Variants in RSRC1 observed in about 807,000 individuals in gnomAD.
RSRC1 encodes the protein serine/Arginine-related protein 53.
A neutral mutation model predicts 49.1 loss-of-function variants in RSRC1; 39 were observed. The observed-to-expected ratio is 0.79, with a 90% CI of 0.61 to 1.04. RSRC1 has a LOEUF of 1.04. RSRC1 is among the 50% of genes least tolerant of loss of function. RSRC1 has a pLI of 0.00. For missense variants in RSRC1, 388 were observed against 402.4 expected, an observed-to-expected ratio of 0.96 and a Z score of 0.31; for synonymous variants, 143 against 130.8, an observed-to-expected ratio of 1.09 and a Z score of -0.63.
At chr3:158,286,976 G>A (rs886805907) in intron 4 of RSRC1, among the ~76,000 whole-genome samples, 1 of 152,092 alleles carries the variant, frequency 6.6e-6, no homozygotes, top group Non-Finnish European at 1.5e-5. Flanking sequence ...ACAGCTGCGT[G>A]CCACCACACC....
At chr3:158,352,505 C>CA (rs771530327) in intron 5 of RSRC1, among the ~76,000 whole-genome samples, 27 of 150,856 alleles carry the variant, frequency 1.8e-4, no homozygotes, top group South Asian at 1.7e-3. Context: ...TTATGAAATA[C>CA]AAAAAAAAAT....
chr3:158,199,683 C>T (rs1440577768), intron 3 of RSRC1, among the ~76,000 whole-genome samples: 1 of 152,138 alleles, frequency 6.6e-6, no homozygotes, highest in Non-Finnish European at 1.5e-5. Flanking sequence ...GCTTTATCTG[C>T]ATCCCACAAA....
chr3:158,463,293 A>AT lies in RSRC1; in HGVS notation c.652+2298dup, dbSNP rs915937686. ...ATTCTTTGTTGTTGTTTGCTTCCAAATTTTTTTTCTCTTGAGTTGTCTAGA... is the reference window on the plus strand; with the variant it reads ...ATTCTTTGTTGTTGTTTGCTTCCAAATTTTTTTTTCTCTTGAGTTGTCTAGA... On this transcript the variant is annotated intron_variant, in intron 7 of 9. Coordinates refer to ENST00000611884, the MANE Select transcript of RSRC1 (RefSeq NM_001271838.2). Among the ~76,000 whole-genome samples the AT allele has an allele frequency of 8.6e-5, 13 of 151,948 alleles. No homozygotes were observed. The East Asian group carries it at 2.5e-3, about 29-fold the overall frequency.
At position 158,545,205 on chromosome 3, in the gene RSRC1, T is replaced by TTC. The variant is rs1241180265; in HGVS notation, c.*931_*932insCT. Reference sequence around the variant, plus strand: ...CCGTTTCTATTTTCTTTTTTTTTTTTTTTTTTTTTTTTTTGAGACGGAGTC... The same window carrying TTC: ...CCGTTTCTATTTTCTTTTTTTTTTTTTCTTTTTTTTTTTTTTGAGACGGAGTC... On this transcript the variant is annotated 3_prime_UTR_variant, in exon 10 of 10. Transcript: ENST00000611884. The TTC allele has an allele frequency of 8.2e-6, 1 of 122,462 alleles. No homozygotes were observed. The highest frequency in any genetic ancestry group is 1.8e-5 in the Non-Finnish European group (1 of 55,680). The allele number at this position is 122,462 out of a possible 1,614,324, so 7.6% of individuals were successfully genotyped here.
intron 5 of RSRC1, among the ~76,000 whole-genome samples, chr3:158,309,231 C>A (rs145615254): frequency 6.6e-6 from 1 of 151,720 alleles, no homozygotes; most frequent in Non-Finnish European, 1.5e-5. Flanking sequence ...ATGCTGTTAG[C>A]GCTCTCTGAA....
chr3:158,424,748 A>AATT (rs1735304349), intron 6 of RSRC1, among the ~76,000 whole-genome samples: 1 of 152,228 alleles, frequency 6.6e-6, no homozygotes, highest in East Asian at 1.9e-4. Flanking sequence ...TTATTGCCAC[A>AATT]ATTTCAGCTC....
intron 3 of RSRC1, among the ~76,000 whole-genome samples, chr3:158,152,241 TAGTG>T (rs1274136524): frequency 1.3e-5 from 2 of 152,136 alleles, no homozygotes; most frequent in Non-Finnish European, 2.9e-5. Flanking sequence ...TAATATTAAA[TAGTG>T]AGCTCCTTGA....
chr3:158,401,732 A>G (rs1239475944), intron 6 of RSRC1, among the ~76,000 whole-genome samples: 1 of 152,066 alleles, frequency 6.6e-6, no homozygotes, highest in East Asian at 1.9e-4. Flanking sequence ...AAAATTGTAT[A>G]TAATAAATAG....
intron 3 of RSRC1, among the ~76,000 whole-genome samples, chr3:158,133,346 ATTAT>A (rs1366085700): frequency 1.1e-4 from 16 of 152,086 alleles, no homozygotes; most frequent in Non-Finnish European, 1.2e-4. Flanking sequence ...TTAGAGAGCA[ATTAT>A]TTATTTTATT....
intron 4 of RSRC1, among the ~76,000 whole-genome samples, chr3:158,231,708 C>G (rs965844090): frequency 1.2e-4 from 18 of 151,986 alleles, no homozygotes; most frequent in African/African-American, 4.1e-4. Flanking sequence ...TATATTATTT[C>G]TTTTGAGTCA....
chr3:158,260,126 C>T (rs1724805806), intron 4 of RSRC1, among the ~76,000 whole-genome samples: 1 of 110,764 alleles, frequency 9.0e-6, no homozygotes, highest in Admixed American at 9.4e-5. Flanking sequence ...TACTCCTTTT[C>T]TTCTCCTTTT....
At chr3:158,165,065 C>T (rs976310781) in intron 3 of RSRC1, among the ~76,000 whole-genome samples, 3 of 152,112 alleles carry the variant, frequency 2.0e-5, no homozygotes, top group Admixed American at 2.0e-4. Context: ...ACCAAAATGG[C>T]CTCACCTTAT....
chr3:158,287,674 A>G (rs73029897), intron 4 of RSRC1, among the ~76,000 whole-genome samples: 2,574 of 152,314 alleles, frequency 0.017, 67 homozygotes, highest in African/African-American at 0.059. Context: ...TTTACAATAT[A>G]TAGTAGTGAA....
intron 3 of RSRC1, among the ~76,000 whole-genome samples, chr3:158,168,305 A>G (rs1406615365): frequency 1.3e-5 from 2 of 152,206 alleles, no homozygotes; most frequent in African/African-American, 4.8e-5. Flanking sequence ...AACCACAAGA[A>G]TTAGTCATAC....
rs1465258233 is a variant in RSRC1, at chr3:158,439,373, A to T, written c.584-21562A>T. Reference sequence around the variant, plus strand: ...TAAAGACACATGCACACATGTGTTTATTGCGGCACTATTCACAATAGCAAA... The same window carrying T: ...TAAAGACACATGCACACATGTGTTTTTTGCGGCACTATTCACAATAGCAAA... On this transcript the variant is annotated intron_variant, in intron 6 of 9. Transcript: ENST00000611884. 2.6e-5 allele frequency among the ~76,000 whole-genome samples: 4 copies of T among 152,292 alleles called. No individual in the cohort carries two copies. In the South Asian group the frequency reaches 8.3e-4, roughly 32 times the overall value.
chr3:158,510,644 G>C (rs904972009), intron 7 of RSRC1, among the ~76,000 whole-genome samples: 1 of 152,012 alleles, frequency 6.6e-6, no homozygotes, highest in African/African-American at 2.4e-5. Flanking sequence ...TTTATCCTAT[G>C]TGTTATAAAC....
At chr3:158,295,619 A>G (rs115780636) in intron 4 of RSRC1, among the ~76,000 whole-genome samples, 1,599 of 152,244 alleles carry the variant, frequency 0.011, 16 homozygotes, top group Middle Eastern at 0.027. Context: ...GTTGTTGGAT[A>G]GCCAGGGCCC....
intron 4 of RSRC1, among the ~76,000 whole-genome samples, chr3:158,272,653 A>G (rs777445112): frequency 3.3e-5 from 5 of 152,126 alleles, no homozygotes; most frequent in Non-Finnish European, 7.4e-5. Context: ...AAGGAAGATT[A>G]TATGGGCTTT....
chr3:158,143,784 C>T (rs886195127), intron 3 of RSRC1, among the ~76,000 whole-genome samples: 2 of 152,064 alleles, frequency 1.3e-5, no homozygotes, highest in Non-Finnish European at 2.9e-5. Flanking sequence ...AGCAATATCC[C>T]ACCAAGAGGA....
Sources: allele counts gnomAD v4.1 joint callset (sites outside exome capture counted in the v4.1 genomes callset), GRCh38; gene constraint gnomAD v4.1.1; transcripts MANE v1.5; gene names NCBI Gene and HGNC (gene_info 2026-07-23, HGNC 2026-07-21).